Variants in GRM8 observed in about 807,000 individuals in gnomAD.
The protein encoded by GRM8 is metabotropic glutamate receptor 8.
Under a neutral mutation model 87.2 loss-of-function variants are expected in GRM8, and 47 were observed. The observed-to-expected ratio is 0.54, with a 90% confidence interval of 0.43 to 0.69. GRM8 has a LOEUF of 0.69. GRM8 is among the 30% of genes least tolerant of loss of function. The pLI, the probability that GRM8 is intolerant of heterozygous loss-of-function variation, is 0.00. For missense variants in GRM8, 1,019 were observed against 1,139.2 expected, an observed-to-expected ratio of 0.89 and a Z score of 1.52; for synonymous variants, 396 against 404.5, an observed-to-expected ratio of 0.98 and a Z score of 0.25.
At chr7:127,170,414 C>T (rs1793722496) in intron 2 of GRM8, among the ~76,000 whole-genome samples, 1 of 152,156 alleles carries the variant, frequency 6.6e-6, no homozygotes, top group Non-Finnish European at 1.5e-5. Context: ...ACTAAAACCA[C>T]TATGGAAAAT....
intron 6 of GRM8, among the ~76,000 whole-genome samples, chr7:126,774,665 C>T (rs558362703): frequency 6.6e-6 from 1 of 152,188 alleles, no homozygotes; most frequent in Admixed American, 6.6e-5. Flanking sequence ...ATCACACATA[C>T]TTTAGTTAAG....
chr7:127,227,823 CG>C (rs1279993063), intron 2 of GRM8, among the ~76,000 whole-genome samples: 2 of 152,166 alleles, frequency 1.3e-5, no homozygotes, highest in African/African-American at 4.8e-5. Context: ...GTGATCATTC[CG>C]GCAGCAGGGA....
intron 2 of GRM8, among the ~76,000 whole-genome samples, chr7:127,200,858 T>A (rs575245924): frequency 1.3e-5 from 2 of 152,334 alleles, no homozygotes; most frequent in African/African-American, 2.4e-5. Context: ...ATTCTCAGAT[T>A]CCAGGTGGAC....
chr7:126,667,121 G>A (rs1166554196), intron 7 of GRM8, among the ~76,000 whole-genome samples: 5 of 152,096 alleles, frequency 3.3e-5, no homozygotes, highest in African/African-American at 1.2e-4. Context: ...CACTGTCCTA[G>A]GAACTTAGCA....
At chr7:126,770,105 A>G (rs1305721830) in intron 6 of GRM8, 40 bp from the exon 7 acceptor site, 5 of 1,397,104 alleles carry the variant, frequency 3.6e-6, no homozygotes, top group South Asian at 2.4e-5. Flanking sequence ...TTGATGTTAG[A>G]TTCCAATAAA....
chr7:126,701,855 G>A (rs1429117682), intron 7 of GRM8: 3 of 1,017,628 alleles, frequency 2.9e-6, no homozygotes, highest in Non-Finnish European at 4.1e-6. Flanking sequence ...TCAGAGAATA[G>A]TGATTATAAT....
At chr7:126,843,909 A>T (rs572274834) in intron 6 of GRM8, among the ~76,000 whole-genome samples, 2 of 152,312 alleles carry the variant, frequency 1.3e-5, no homozygotes, top group African/African-American at 4.8e-5. Flanking sequence ...CTCATCTATT[A>T]TTGATCAGAA....
intron 7 of GRM8, among the ~76,000 whole-genome samples, chr7:126,613,763 C>T (rs1008691921): frequency 7.9e-5 from 12 of 152,202 alleles, no homozygotes; most frequent in African/African-American, 2.2e-4. Context: ...CCCATGCCCA[C>T]GGAGCCTCAC....
At position 127,134,644 on chromosome 7, in the gene GRM8, A is replaced by G. The variant is rs1344223885; in HGVS notation, c.511-27932T>C. Among the ~76,000 whole-genome samples the G allele has an allele frequency of 2.0e-5, 3 of 152,238 alleles. 1 individual carries two copies. Among genetic ancestry groups the G allele is most frequent in the Admixed American group, 2.0e-4 (3 of 15,288 alleles). ...TTAAAATTAAAATGCAACATTGTTC[A>G]TCTTGCTACCATAATATTTTAAAAC... On this transcript the variant is annotated intron_variant, in intron 2 of 10. Coordinates refer to ENST00000339582, the MANE Select transcript of GRM8 (RefSeq NM_000845.3).
At chr7:126,649,131 G>A (rs931792120) in intron 7 of GRM8, among the ~76,000 whole-genome samples, 1 of 152,202 alleles carries the variant, frequency 6.6e-6, no homozygotes, top group Non-Finnish European at 1.5e-5. Flanking sequence ...AAAGGAGGGA[G>A]ATCCACTTAA....
chr7:126,604,392 A>G (rs537341686), intron 8 of GRM8, among the ~76,000 whole-genome samples: 9 of 152,312 alleles, frequency 5.9e-5, no homozygotes, highest in African/African-American at 2.2e-4. Flanking sequence ...ATCAGAATAA[A>G]GACAGAAAGA....
intron 2 of GRM8, among the ~76,000 whole-genome samples, chr7:127,178,214 A>G (rs1428162885): frequency 6.6e-6 from 1 of 152,194 alleles, no homozygotes; most frequent in Non-Finnish European, 1.5e-5. Flanking sequence ...TGCTCTGGAA[A>G]GTCTCAGCAA....
chr7:126,805,983 G>C (rs922181397), intron 6 of GRM8, among the ~76,000 whole-genome samples: 1 of 152,030 alleles, frequency 6.6e-6, no homozygotes, highest in Non-Finnish European at 1.5e-5. Flanking sequence ...TTGTTTTTGG[G>C]GTCCTGAAGT....
In GRM8 at chr7:126,777,957, T is replaced by C. The variant is rs151005156; in HGVS notation, c.1157-7892A>G. Among the ~76,000 whole-genome samples the C allele has an allele frequency of 7.2e-5, 11 of 152,280 alleles. No homozygotes were observed. In the East Asian group the frequency reaches 1.9e-3, roughly 27 times the overall value. On this transcript the variant is annotated intron_variant, in intron 6 of 10. Transcript: ENST00000339582. ...AAAAATGACTAAAGTATTTTAGTCT[T>C]GGAAGGTGGTGTGTCTGAGTCTATG...
chr7:127,071,484 C>T (rs1821683102), intron 3 of GRM8, among the ~76,000 whole-genome samples: 1 of 152,146 alleles, frequency 6.6e-6, no homozygotes, highest in Non-Finnish European at 1.5e-5. Context: ...TGAAGGTGAA[C>T]AGACATTAAT....
intron 2 of GRM8, among the ~76,000 whole-genome samples, chr7:127,210,850 C>T (rs138572371): frequency 2.2e-4 from 34 of 152,262 alleles, no homozygotes; most frequent in Middle Eastern, 3.4e-3. Flanking sequence ...AATTTAGTAC[C>T]ATATAGGTAC....
chr7:127,086,159 G>A (rs1012415624), intron 3 of GRM8, among the ~76,000 whole-genome samples: 4 of 152,172 alleles, frequency 2.6e-5, no homozygotes, highest in African/African-American at 9.7e-5. Context: ...GGAGTGCAGT[G>A]GCATGATCTC....
intron 7 of GRM8, among the ~76,000 whole-genome samples, chr7:126,666,766 T>C (rs572794425): frequency 2.0e-5 from 3 of 152,206 alleles, no homozygotes; most frequent in African/African-American, 7.2e-5. Context: ...ATCCAAAGTG[T>C]TTGAAAACCA....
At chr7:126,639,884 A>G (rs2027988) in intron 7 of GRM8, among the ~76,000 whole-genome samples, 46,831 of 152,106 alleles carry the variant, frequency 0.31, 8,086 homozygotes, top group East Asian at 0.43. Flanking sequence ...AGAATCATTT[A>G]CCACATCTTG....
Sources: gnomAD v4.1 joint callset for allele counts (sites outside exome capture counted in the v4.1 genomes callset) on GRCh38, gnomAD v4.1.1 for gene constraint, MANE v1.5 for transcripts, NCBI Gene and HGNC (gene_info 2026-07-23, HGNC 2026-07-21) for gene names.